ELN: variants seen among roughly 807,000 people sequenced by gnomAD.
ELN encodes the protein tropoelastin.
In ELN, 65 loss-of-function variants were observed where a neutral mutation model predicts 105.8. The observed-to-expected ratio is 0.61, with a 90% CI of 0.50 to 0.75. ELN has a LOEUF of 0.75. Ranked by LOEUF, ELN falls within the 30% of genes least tolerant of loss-of-function variation. The pLI, the probability that ELN is intolerant of heterozygous loss-of-function variation, is 0.00. For missense variants in ELN, 882 were observed against 969.4 expected (o/e 0.91, Z 1.20); for synonymous variants, 368 against 389.2 (o/e 0.95, Z 0.64).
intron 24 of ELN, 38 bp from the exon 25 acceptor site, chr7:74,060,338 C>T (rs1191548584): frequency 1.9e-6 from 3 of 1,613,964 alleles, no homozygotes; most frequent in East Asian, 2.2e-5. Context: ...GGGGCATGCT[C>T]CCTGCCTGCT....
Position 74,063,272 on chromosome 7 carries a change from G to A in ELN, c.1859-38G>A, listed in dbSNP as rs1797097754. ...GCAGGGTGGGGAGGGAATCTAACCA[G>A]TACAGAGTGCCTCCCTGAACTCGGT... On this transcript the variant is annotated intron_variant, in intron 27 of 32. Coordinates refer to ENST00000252034, the MANE Select transcript of ELN (RefSeq NM_000501.4). This position sits in a 1 kb window ranked among gnomAD's most constrained non-coding sequence, Gnocchi z 4.1. 6 of 1,581,380 alleles carry A rather than the reference G, an allele frequency of 3.8e-6. No individual in the cohort carries two copies. The highest frequency in any genetic ancestry group is 4.3e-6 in the Non-Finnish European group (5 of 1,164,346).
chr7:74,030,028 T>C (rs1788317338), intron 1 of ELN, among the ~76,000 whole-genome samples: 1 of 152,146 alleles, frequency 6.6e-6, no homozygotes, highest in South Asian at 2.1e-4. Flanking sequence ...CAGAATCAGC[T>C]CTCTCCTTGT....
Position 74,043,492 on chromosome 7 carries a change from G to A in ELN, c.427+324G>A, listed in dbSNP as rs1318448456. The A allele has an allele frequency of 5.8e-6, 4 of 685,588 alleles. No individual in the cohort carries two copies. In the East Asian group the frequency reaches 1.1e-4, roughly 19 times the overall value. 42.5% of individuals were successfully genotyped at this position (685,588 alleles called of 1,614,324 possible). A position where few individuals can be genotyped will look rare whatever the true frequency, so the allele number is the denominator to read the frequency against. On this transcript the variant is annotated intron_variant, in intron 8 of 32. Transcript: ENST00000252034. ...CTGCAGCGAGTCCCGGCAGAGCTGGGGGAGCCCCGTGTCCTCTGACTCCCC... is the reference window on the plus strand; with the variant it reads ...CTGCAGCGAGTCCCGGCAGAGCTGGAGGAGCCCCGTGTCCTCTGACTCCCC...
Position 74,063,097 on chromosome 7 carries a change from G to C in ELN, c.1787-56G>C. ...TGTCTGCTTGCCTTGTGTCCCTGGG[G>C]CAGGGAGACCCATCGTTCAGAAATG... On this transcript the variant is annotated intron_variant, in intron 26 of 32. Transcript: ENST00000252034. The surrounding 1 kb of genome is among the most constrained non-coding windows in gnomAD (Gnocchi z 4.1). 6.4e-7 allele frequency: 1 copy of C among 1,558,816 alleles called. No homozygotes were observed. Among genetic ancestry groups the C allele is most frequent in the Admixed American group, 1.9e-5 (1 of 51,362 alleles).
At chr7:74,042,222 C>G (rs1403273236) in intron 5 of ELN, among the ~76,000 whole-genome samples, 3 of 151,418 alleles carry the variant, frequency 2.0e-5, no homozygotes, top group Admixed American at 2.0e-4. Context: ...GAGTTCGAGA[C>G]CAGCCTGGGC....
chr7:74,037,591 G>C, intron 3 of ELN, 116 bp from the exon 4 acceptor site: 2 of 1,468,120 alleles, frequency 1.4e-6, no homozygotes, highest in South Asian at 2.4e-5. Context: ...GTCTGAGCGG[G>C]AGGACCTGGG....
chr7:74,048,758 A>G (rs1255536934), intron 15 of ELN, among the ~76,000 whole-genome samples: 1 of 151,412 alleles, frequency 6.6e-6, no homozygotes, highest in Admixed American at 6.6e-5. Flanking sequence ...TCAATCTATT[A>G]CTTTCTCCAT....
chr7:74,043,677 T>G, intron 8 of ELN: 1 of 686,150 alleles, frequency 1.5e-6, no homozygotes, highest in East Asian at 2.7e-5. Context: ...CGGAGATAAA[T>G]CCACACACCG....
At chr7:74,045,767 G>A (rs1270764126) in intron 10 of ELN, 3 of 302,734 alleles carry the variant, frequency 9.9e-6, no homozygotes, top group Non-Finnish European at 1.9e-5. Flanking sequence ...AAGAAAAGAG[G>A]GCCAGATGCA....
In ELN at chr7:74,042,603, C is replaced by T; in HGVS notation, c.233-11C>T. The stretch of plus-strand genomic sequence containing the variant: ...GTAGCTCAGGACCTCACCCCATCCT[C>T]CCCTCCGCAGGGCTCGGCGCCTTCC... On this transcript the variant is annotated splice_polypyrimidine_tract_variant and intron_variant, in intron 5 of 32. Transcript: ENST00000252034. The T allele has an allele frequency of 1.9e-6, 3 of 1,612,488 alleles. No homozygotes were observed. The highest frequency in any genetic ancestry group is 2.5e-6 in the Non-Finnish European group (3 of 1,179,798).
At chr7:74,042,529 G>A in intron 5 of ELN, 85 bp from the exon 6 acceptor site, 1 of 1,239,236 alleles carries the variant, frequency 8.1e-7, no homozygotes, top group Non-Finnish European at 1.2e-6. Context: ...TGCTTCCTGA[G>A]TGGGGCACAG....
chr7:74,030,992 G>C (rs1235944798), intron 1 of ELN, among the ~76,000 whole-genome samples: 1 of 152,180 alleles, frequency 6.6e-6, no homozygotes, highest in Non-Finnish European at 1.5e-5. Flanking sequence ...GAAAACCCTT[G>C]GCAGCCTTCT....
At chr7:74,042,148 G>A (rs1032246023) in intron 5 of ELN, among the ~76,000 whole-genome samples, 19 of 151,834 alleles carry the variant, frequency 1.3e-4, no homozygotes, top group South Asian at 2.1e-4. Context: ...ACTTAGGCGC[G>A]GTGGCTCACG....
At chr7:74,045,115 A>T (rs1187919564) in intron 9 of ELN, 107 bp from the exon 10 acceptor site, 3 of 1,273,216 alleles carry the variant, frequency 2.4e-6, no homozygotes, top group Non-Finnish European at 3.4e-6. Flanking sequence ...CCTGTCACTG[A>T]CAGTCAGTCC....
At position 74,028,404 on chromosome 7, in the gene ELN, T is replaced by A. The variant is rs1282690528; in HGVS notation, c.82+135T>A. The A allele has an allele frequency of 1.6e-5, 17 of 1,050,546 alleles. No homozygotes were observed. In the African/African-American group the frequency reaches 2.4e-4, roughly 15 times the overall value. The allele number at this position is 1,050,546 out of a possible 1,614,324, so 65.1% of individuals were successfully genotyped here. ...TCCCAGGTGGGAGCCCCTCAGCCAC[T>A]GGGTCCTCGGAACTGCCCCTCCCAG... On this transcript the variant is annotated intron_variant, in intron 1 of 32. Coordinates refer to ENST00000252034, the MANE Select transcript of ELN (RefSeq NM_000501.4).
At chr7:74,040,229 A>G (rs782425973) in intron 4 of ELN, among the ~76,000 whole-genome samples, 1 of 152,198 alleles carries the variant, frequency 6.6e-6, no homozygotes, top group Non-Finnish European at 1.5e-5. Context: ...AGGTCTGAGC[A>G]TGTCCCTTGC....
At chr7:74,038,498 C>T (rs1328680015) in intron 4 of ELN, among the ~76,000 whole-genome samples, 1 of 152,240 alleles carries the variant, frequency 6.6e-6, no homozygotes, top group African/African-American at 2.4e-5. Context: ...TGGCCTCGCC[C>T]AAGGGGCTGG....
chr7:74,057,788 T>A (rs1795633764), intron 22 of ELN, 92 bp downstream of exon 22: 1 of 1,449,184 alleles, frequency 6.9e-7, no homozygotes, highest in African/African-American at 1.4e-5. Flanking sequence ...TCCTGTTCCT[T>A]TCCACCCCAC....
In ELN at chr7:74,063,795, C is replaced by CA; in HGVS notation, c.1993+101dup. 6.6e-7 allele frequency: 1 copy of CA among 1,521,466 alleles called. No homozygotes were observed. The highest frequency in any genetic ancestry group is 9.1e-7 in the Non-Finnish European group (1 of 1,102,264). 94.2% of individuals were successfully genotyped at this position (1,521,466 alleles called of 1,614,324 possible). ...CAGAGACTTTCGTTCCCACCCCTGG[C>CA]ACGTCTTTGCTCAAGATGTCCTCTT... On this transcript the variant is annotated intron_variant, in intron 29 of 32. Transcript: ENST00000252034. This position sits in a 1 kb window ranked among gnomAD's most constrained non-coding sequence, Gnocchi z 4.1.
Sources: allele counts gnomAD v4.1 joint callset (sites outside exome capture counted in the v4.1 genomes callset), GRCh38; gene constraint gnomAD v4.1.1; non-coding constraint Gnocchi (gnomAD v3.1); transcripts MANE v1.5; gene names NCBI Gene and HGNC (gene_info 2026-07-23, HGNC 2026-07-21).